DPYSL5: variants seen among roughly 807,000 people sequenced by gnomAD.
DPYSL5 encodes the protein dihydropyrimidinase like 5, also known as dihydropyrimidinase-related protein 5.
Under a neutral mutation model 58.4 loss-of-function variants are expected in DPYSL5, and 9 were observed. That is an observed-to-expected ratio of 0.15 (90% confidence interval 0.09 to 0.27). The LOEUF is 0.27. DPYSL5 is among the 10% of genes least tolerant of loss of function. The pLI, the probability that DPYSL5 is intolerant of heterozygous loss-of-function variation, is 1.00. For missense variants in DPYSL5, 499 were observed against 770.6 expected (o/e 0.65, Z 4.17); for synonymous variants, 293 against 301.9 (o/e 0.97, Z 0.31).
intron 8 of DPYSL5, among the ~76,000 whole-genome samples, chr2:26,935,044 G>A (rs1235018772): frequency 6.6e-6 from 1 of 152,176 alleles, no homozygotes; most frequent in Non-Finnish European, 1.5e-5. Flanking sequence ...GCAGAACGTG[G>A]CCTGTGACTT....
intron 1 of DPYSL5, among the ~76,000 whole-genome samples, chr2:26,859,401 A>G (rs1005428159): frequency 6.6e-6 from 1 of 151,628 alleles, no homozygotes. Flanking sequence ...AATTCTATCT[A>G]TAGTACCTGA....
intron 2 of DPYSL5, among the ~76,000 whole-genome samples, chr2:26,914,510 G>A (rs1426466822): frequency 6.6e-6 from 1 of 152,186 alleles, no homozygotes; most frequent in South Asian, 2.1e-4. Context: ...AGGGAAGGAG[G>A]GGCAGGGGCT....
intron 1 of DPYSL5, among the ~76,000 whole-genome samples, chr2:26,883,699 TC>T (rs1663632141): frequency 6.6e-6 from 1 of 152,166 alleles, no homozygotes; most frequent in African/African-American, 2.4e-5. Context: ...GCACCCAGCC[TC>T]ATATTTACTC....
intron 1 of DPYSL5, among the ~76,000 whole-genome samples, chr2:26,867,860 G>A (rs901760686): frequency 6.6e-6 from 1 of 152,210 alleles, no homozygotes; most frequent in African/African-American, 2.4e-5. Flanking sequence ...TCCTAGGGGT[G>A]AGGTGCTGGG....
chr2:26,942,685 G>A lies in DPYSL5; in HGVS notation c.1375G>A (p.Gly459Ser). 6.2e-7 allele frequency: 1 copy of A among 1,614,150 alleles called. No individual in the cohort carries two copies. Among genetic ancestry groups the A allele is most frequent in the Non-Finnish European group, 8.5e-7 (1 of 1,180,046 alleles). Residue 459 changes from glycine to serine, a missense_variant, in exon 11 of 13, where the codon GGC becomes AGC. By Grantham distance (56) the Gly-to-Ser change is moderately conservative. Coordinates refer to ENST00000288699, the MANE Select transcript of DPYSL5 (RefSeq NM_020134.4). This position sits in a 1 kb window ranked among gnomAD's most constrained non-coding sequence, Gnocchi z 5.9. ...NGVFMCAEGT[G>S]KFCPLRSFPD... is the part of the protein sequence containing the mutation. ...CGTCTTCATGTGCGCCGAGGGCACC[G>A]GCAAGTTCTGTCCCCTGAGGTCCTT...
At chr2:26,918,785 A>C (rs1230045224) in intron 2 of DPYSL5, among the ~76,000 whole-genome samples, 3 of 152,156 alleles carry the variant, frequency 2.0e-5, no homozygotes, top group Non-Finnish European at 4.4e-5. Context: ...CTCCTCAAAC[A>C]TACACCCCTT....
At chr2:26,868,068 T>C (rs1663154166) in intron 1 of DPYSL5, among the ~76,000 whole-genome samples, 1 of 152,212 alleles carries the variant, frequency 6.6e-6, no homozygotes, top group African/African-American at 2.4e-5. Context: ...TGATACCTCA[T>C]TGTTACTTCC....
intron 1 of DPYSL5, among the ~76,000 whole-genome samples, chr2:26,860,552 T>C (rs1281635422): frequency 2.6e-5 from 4 of 152,196 alleles, no homozygotes; most frequent in East Asian, 1.9e-4. Flanking sequence ...CCTAAAGATA[T>C]ACAAGCACAT....
intron 5 of DPYSL5, among the ~76,000 whole-genome samples, chr2:26,931,234 T>TA (rs1439761881): frequency 6.7e-5 from 8 of 119,610 alleles, no homozygotes; most frequent in African/African-American, 9.1e-5. Context: ...TATATATGAA[T>TA]TATACAACTC....
chr2:26,863,450 G>A (rs779346167), intron 1 of DPYSL5, among the ~76,000 whole-genome samples: 4 of 152,216 alleles, frequency 2.6e-5, no homozygotes, highest in Non-Finnish European at 5.9e-5. Flanking sequence ...AATGGTAAAG[G>A]AAAAGGAGCT....
chr2:26,894,259 G>T (rs183485263), intron 1 of DPYSL5, among the ~76,000 whole-genome samples: 8 of 151,786 alleles, frequency 5.3e-5, no homozygotes, highest in African/African-American at 1.9e-4. Flanking sequence ...CACTTCTCAG[G>T]TCCCTGCAGT....
intron 2 of DPYSL5, among the ~76,000 whole-genome samples, chr2:26,908,225 T>TATAA (rs1664348984): frequency 1.3e-5 from 2 of 152,236 alleles, no homozygotes; most frequent in African/African-American, 4.8e-5. Flanking sequence ...ATAAAACAGT[T>TATAA]AAGCATCAAA....
At position 26,949,334 on chromosome 2, in the gene DPYSL5, CAG is replaced by C. The variant is rs1170146624; in HGVS notation, c.*2340_*2341del. The C allele has an allele frequency of 6.6e-6, 1 of 152,408 alleles. No homozygotes were observed. Among genetic ancestry groups the C allele is most frequent in the Admixed American group, 6.5e-5 (1 of 15,288 alleles). 9.4% of individuals were successfully genotyped at this position (152,408 alleles called of 1,614,324 possible). A position where few individuals can be genotyped will look rare whatever the true frequency, so the allele number is the denominator to read the frequency against. Reference sequence around the variant, plus strand: ...TCCCTTCACTCCCCCTTTCCTCACTCAGGGGCTGAGAGGACAGAGGTGGTCAG... The same window carrying C: ...TCCCTTCACTCCCCCTTTCCTCACTCGGGCTGAGAGGACAGAGGTGGTCAG... On this transcript the variant is annotated 3_prime_UTR_variant, in exon 13 of 13. Coordinates refer to ENST00000288699, the MANE Select transcript of DPYSL5 (RefSeq NM_020134.4).
chr2:26,859,571 G>A (rs1346819744), intron 1 of DPYSL5, among the ~76,000 whole-genome samples: 1 of 152,156 alleles, frequency 6.6e-6, no homozygotes, highest in Non-Finnish European at 1.5e-5. Context: ...AATTGTGTGA[G>A]CTACTCAGTC....
intron 1 of DPYSL5, among the ~76,000 whole-genome samples, chr2:26,883,683 G>GCCA (rs1461750896): frequency 6.6e-6 from 1 of 152,186 alleles, no homozygotes; most frequent in Non-Finnish European, 1.5e-5. Context: ...ACAGGCATGA[G>GCCA]CCACTGCACC....
chr2:26,941,865 T>A (rs1407531489), intron 9 of DPYSL5, 85 bp from the exon 10 acceptor site: 1 of 1,579,218 alleles, frequency 6.3e-7, no homozygotes, highest in Non-Finnish European at 8.6e-7. Flanking sequence ...AAGCCCTAAG[T>A]CCATGGGCCA....
intron 1 of DPYSL5, among the ~76,000 whole-genome samples, chr2:26,893,992 G>A (rs1663952701): frequency 6.6e-6 from 1 of 150,698 alleles, no homozygotes; most frequent in East Asian, 1.9e-4. Flanking sequence ...CAAGAGAGTT[G>A]CATATCCTTA....
At chr2:26,890,613 G>T (rs1287770337) in intron 1 of DPYSL5, among the ~76,000 whole-genome samples, 1 of 152,180 alleles carries the variant, frequency 6.6e-6, no homozygotes, top group Non-Finnish European at 1.5e-5. Context: ...CTTTAGATCT[G>T]GGGTCCAGCT....
At chr2:26,920,899 T>C (rs564710103) in intron 2 of DPYSL5, among the ~76,000 whole-genome samples, 7 of 152,370 alleles carry the variant, frequency 4.6e-5, no homozygotes, top group Admixed American at 2.0e-4. Context: ...TATAAAACTT[T>C]TTCCGTGTTT....
Sources: allele counts gnomAD v4.1 joint callset (sites outside exome capture counted in the v4.1 genomes callset), GRCh38; gene constraint gnomAD v4.1.1; non-coding constraint Gnocchi (gnomAD v3.1); transcripts MANE v1.5; gene names NCBI Gene and HGNC (gene_info 2026-07-23, HGNC 2026-07-21).